The following CHLSN variants were observed in gnomAD, a reference collection of about 807,000 sequenced individuals.
CHLSN encodes the protein cholesin, also known as protein cholesin.
the CHLSN span, among the ~76,000 whole-genome samples, chr7:1,113,279 G>A: frequency 4.6e-5 from 7 of 151,996 alleles, no homozygotes; most frequent in Admixed American, 6.6e-5. Flanking sequence ...GAGAAAGTGC[G>A]AGTGAGCGCC....
chr7:1,091,773 C>T, the CHLSN span: 1 of 1,569,572 alleles, frequency 6.4e-7, no homozygotes. Context: ...TGGAGATGTA[C>T]CCAGGCACCG....
chr7:1,096,291 G>A, the CHLSN span, among the ~76,000 whole-genome samples: 11 of 152,322 alleles, frequency 7.2e-5, no homozygotes, highest in Admixed American at 5.2e-4. This position sits in a 1 kb window ranked among gnomAD's most constrained non-coding sequence, Gnocchi z 4.6. Flanking sequence ...TGAAGCTGGC[G>A]GCGGCACTGC....
chr7:1,018,731 G>A, the CHLSN span, among the ~76,000 whole-genome samples: 2 of 152,144 alleles, frequency 1.3e-5, no homozygotes, highest in Non-Finnish European at 2.9e-5. Context: ...ACTGCAGTGA[G>A]CTGTGATCAC....
At chr7:1,120,532 TC>T in the CHLSN span, among the ~76,000 whole-genome samples, 1 of 152,184 alleles carries the variant, frequency 6.6e-6, no homozygotes, top group Non-Finnish European at 1.5e-5. Context: ...ACTCAAGTGA[TC>T]CTTCTGCCTC....
chr7:996,280 G>A, the CHLSN span, among the ~76,000 whole-genome samples: 3 of 152,194 alleles, frequency 2.0e-5, no homozygotes, highest in Non-Finnish European at 4.4e-5. Flanking sequence ...CCCGCCTCCC[G>A]GCTTGCATGC....
chr7:1,076,988 G>A, the CHLSN span, among the ~76,000 whole-genome samples: 12 of 152,358 alleles, frequency 7.9e-5, no homozygotes, highest in Admixed American at 3.3e-4. Flanking sequence ...GCTGTTCTGG[G>A]TACCCTGCTG....
chr7:1,092,106 C>T, the CHLSN span: 56 of 1,613,884 alleles, frequency 3.5e-5, no homozygotes, highest in African/African-American at 2.0e-4. Context: ...ACTACGACAT[C>T]GCCGTCCTGT....
At chr7:997,609 C>A in the CHLSN span, 2 of 1,558,574 alleles carry the variant, frequency 1.3e-6, no homozygotes. Flanking sequence ...AGCGGCCCCG[C>A]CCCGCGCTGA....
chr7:1,097,785 GCTA>G, the CHLSN span, among the ~76,000 whole-genome samples: 1 of 152,176 alleles, frequency 6.6e-6, no homozygotes, highest in East Asian at 1.9e-4. The surrounding 1 kb of genome is among the most constrained non-coding windows in gnomAD (Gnocchi z 4.3). Flanking sequence ...CGGTCCAGAT[GCTA>G]CACCCTGAGA....
chr7:1,040,418 C>T, the CHLSN span, among the ~76,000 whole-genome samples: 2 of 152,100 alleles, frequency 1.3e-5, no homozygotes, highest in African/African-American at 4.8e-5. Context: ...TTGCTTGAGC[C>T]TGGGAGTTCA....
the CHLSN span, chr7:1,021,394 T>C: frequency 7.1e-6 from 7 of 985,484 alleles, no homozygotes; most frequent in Non-Finnish European, 8.4e-6. Context: ...TTTCAGTGAC[T>C]GAACCAGAGT....
chr7:1,034,563 G>A, the CHLSN span, among the ~76,000 whole-genome samples: 1 of 152,182 alleles, frequency 6.6e-6, no homozygotes, highest in Non-Finnish European at 1.5e-5. Context: ...ACACACAGAG[G>A]AACAGAGAAC....
the CHLSN span, among the ~76,000 whole-genome samples, chr7:1,123,336 G>A: frequency 1.5e-3 from 228 of 152,346 alleles, 4 homozygotes; most frequent in East Asian, 0.041. This position sits in a 1 kb window ranked among gnomAD's most constrained non-coding sequence, Gnocchi z 4.4. Flanking sequence ...GAGGCTGCAC[G>A]GGGCCCCGGG....
At chr7:1,070,720 G>A in the CHLSN span, among the ~76,000 whole-genome samples, 14 of 135,246 alleles carry the variant, frequency 1.0e-4, no homozygotes, top group Middle Eastern at 5.4e-3. Context: ...ACACGCACAC[G>A]CGCACACATG....
At chr7:1,025,952 G>C in the CHLSN span, 4 of 152,272 alleles carry the variant, frequency 2.6e-5, no homozygotes, top group Non-Finnish European at 5.9e-5. Flanking sequence ...GGGCCCCGCA[G>C]CAGCTCAAGC....
the CHLSN span, among the ~76,000 whole-genome samples, chr7:1,105,396 G>A: frequency 6.6e-6 from 1 of 152,232 alleles, no homozygotes; most frequent in African/African-American, 2.4e-5. Context: ...CAGCCTCTAA[G>A]AGCAGGTGCT....
chr7:1,008,515 T>C, the CHLSN span, among the ~76,000 whole-genome samples: 3 of 152,136 alleles, frequency 2.0e-5, no homozygotes. Context: ...CCCAGAGAAC[T>C]GACCAGTGCA....
the CHLSN span, among the ~76,000 whole-genome samples, chr7:1,041,928 A>T: frequency 1.3e-5 from 2 of 152,120 alleles, no homozygotes; most frequent in East Asian, 3.9e-4. Flanking sequence ...CAGAATAAGC[A>T]AGAAAGCCTG....
At chr7:1,118,897 G>C in the CHLSN span, among the ~76,000 whole-genome samples, 1 of 147,882 alleles carries the variant, frequency 6.8e-6, no homozygotes. Context: ...GTGTGGTAAA[G>C]ACCTCACTAA....
Sources: allele counts gnomAD v4.1 joint callset (sites outside exome capture counted in the v4.1 genomes callset), GRCh38; gene constraint gnomAD v4.1.1; non-coding constraint Gnocchi (gnomAD v3.1); transcripts MANE v1.5; gene names NCBI Gene and HGNC (gene_info 2026-07-23, HGNC 2026-07-21).